The following IL1RAPL1 variants were observed in gnomAD, a reference collection of about 807,000 sequenced individuals.
IL1RAPL1 encodes the protein interleukin 1 receptor accessory protein like 1.
IL1RAPL1 carries 3 observed loss-of-function variants against 48.4 expected under a neutral mutation model. The ratio of observed to expected loss-of-function variants is 0.06; its 90% confidence interval spans 0.03 to 0.16. The LOEUF (loss-of-function observed/expected upper bound fraction) is 0.16, where lower values mean the gene tolerates loss of function less well. Ranked by LOEUF, IL1RAPL1 falls within the 10% of genes least tolerant of loss-of-function variation. The pLI, the probability that IL1RAPL1 is intolerant of heterozygous loss-of-function variation, is 1.00. For missense variants in IL1RAPL1, 349 were observed against 530.6 expected, an observed-to-expected ratio of 0.66 and a Z score of 3.36; for synonymous variants, 185 against 187.7, an observed-to-expected ratio of 0.99 and a Z score of 0.12.
intron 9 of IL1RAPL1, among the ~76,000 whole-genome samples, chrX:29,949,133 G>C (rs1200705080): frequency 8.9e-6 from 1 of 111,862 alleles, no homozygotes. Flanking sequence ...ATATGTTAAA[G>C]AGAAAGGTGC....
At chrX:29,624,074 A>G (rs1924546022) in intron 5 of IL1RAPL1, among the ~76,000 whole-genome samples, 1 of 112,056 alleles carries the variant, frequency 8.9e-6, no homozygotes, top group Admixed American at 9.5e-5. Flanking sequence ...TCTCAACTAA[A>G]TTGATGTGTA....
intron 3 of IL1RAPL1, among the ~76,000 whole-genome samples, chrX:29,358,782 G>A (rs1933338356): frequency 9.0e-6 from 1 of 110,796 alleles, no homozygotes; most frequent in Admixed American, 9.7e-5. Flanking sequence ...ACTTTGGGAG[G>A]CCGAGGCAGG....
intron 2 of IL1RAPL1, among the ~76,000 whole-genome samples, chrX:29,234,411 T>A (rs1026832926): frequency 1.8e-5 from 2 of 111,540 alleles, no homozygotes; most frequent in Non-Finnish European, 1.9e-5. Flanking sequence ...AAAGTCATCT[T>A]CCTTATCCTA....
chrX:29,078,269 C>A (rs1927725294), intron 2 of IL1RAPL1, among the ~76,000 whole-genome samples: 1 of 111,177 alleles, frequency 9.0e-6, no homozygotes, highest in Non-Finnish European at 1.9e-5. Flanking sequence ...GCAACAAGAA[C>A]AAAATTCCAT....
intron 6 of IL1RAPL1, among the ~76,000 whole-genome samples, chrX:29,693,738 A>G (rs997468144): frequency 8.9e-6 from 1 of 111,946 alleles, no homozygotes; most frequent in African/African-American, 3.2e-5. Context: ...GCCCACGGAT[A>G]ATTGCAGTCA....
At chrX:29,389,373 A>T (rs2147680997) in intron 3 of IL1RAPL1, among the ~76,000 whole-genome samples, 1 of 108,933 alleles carries the variant, frequency 9.2e-6, no homozygotes, top group Admixed American at 9.9e-5. Flanking sequence ...AAAAAAAAAA[A>T]AGGTTAAAAC....
intron 5 of IL1RAPL1, among the ~76,000 whole-genome samples, chrX:29,566,230 C>T (rs1318840714): frequency 1.8e-5 from 2 of 111,386 alleles, no homozygotes; most frequent in South Asian, 3.7e-4. Flanking sequence ...CGAGCCACCG[C>T]GCCCGGCCCA....
chrX:29,560,612 T>C (rs1387757706), intron 5 of IL1RAPL1, among the ~76,000 whole-genome samples: 1 of 112,119 alleles, frequency 8.9e-6, no homozygotes, highest in Non-Finnish European at 1.9e-5. Flanking sequence ...ATAATCTTTC[T>C]TAAGTTCTTA....
chrX:29,614,787 A>G (rs920361742), intron 5 of IL1RAPL1, among the ~76,000 whole-genome samples: 7 of 111,789 alleles, frequency 6.3e-5, no homozygotes, highest in Non-Finnish European at 5.6e-5. Context: ...AAAATACAGT[A>G]TGTCTGTTGT....
intron 1 of IL1RAPL1, among the ~76,000 whole-genome samples, chrX:28,650,991 G>A (rs1483024896): frequency 1.8e-5 from 2 of 112,043 alleles, no homozygotes; most frequent in Non-Finnish European, 3.8e-5. Flanking sequence ...GACTTCATAA[G>A]CGGATAATTC....
chrX:28,714,054 T>A (rs926596188), intron 1 of IL1RAPL1, among the ~76,000 whole-genome samples: 1 of 111,814 alleles, frequency 8.9e-6, no homozygotes, highest in African/African-American at 3.2e-5. Flanking sequence ...ATGTTATCAT[T>A]TATGTATAAT....
chrX:29,374,894 A>G (rs1010103014), intron 3 of IL1RAPL1, among the ~76,000 whole-genome samples: 2 of 111,021 alleles, frequency 1.8e-5, no homozygotes, highest in Non-Finnish European at 1.9e-5. Flanking sequence ...TTGATATCCC[A>G]AATGTTTTGG....
At chrX:29,862,344 TATTCTC>T (rs1362530274) in intron 6 of IL1RAPL1, among the ~76,000 whole-genome samples, 1 of 111,597 alleles carries the variant, frequency 9.0e-6, no homozygotes, top group African/African-American at 3.3e-5. Context: ...ACCTCTCACT[TATTCTC>T]ATTCTGAAAG....
At chrX:28,811,113 C>T (rs1936789195) in intron 2 of IL1RAPL1, among the ~76,000 whole-genome samples, 1 of 110,656 alleles carries the variant, frequency 9.0e-6, no homozygotes, top group African/African-American at 3.3e-5. Context: ...GTGTATCATG[C>T]TGACACATTG....
At chrX:29,736,263 G>A (rs996036012) in intron 6 of IL1RAPL1, among the ~76,000 whole-genome samples, 1 of 112,116 alleles carries the variant, frequency 8.9e-6, no homozygotes, top group Non-Finnish European at 1.9e-5. Flanking sequence ...GTTGTCACAT[G>A]TCTGTAATGC....
intron 2 of IL1RAPL1, among the ~76,000 whole-genome samples, chrX:29,142,392 A>C (rs1360357469): frequency 9.0e-6 from 1 of 111,730 alleles, no homozygotes; most frequent in Non-Finnish European, 1.9e-5. Context: ...TAGGTCAGGA[A>C]AGAGAAAGAC....
intron 5 of IL1RAPL1, among the ~76,000 whole-genome samples, chrX:29,526,918 G>T (rs927746974): frequency 4.5e-5 from 5 of 111,227 alleles, no homozygotes; most frequent in Admixed American, 3.8e-4. Flanking sequence ...TGAAACTAAG[G>T]TTAAAATGAA....
rs1555924328 is a variant in IL1RAPL1, at chrX:28,792,816, A to AATATATATATATAT, written c.82+3413_82+3426dup. On this transcript the variant is annotated intron_variant, in intron 2 of 10. Coordinates refer to ENST00000378993, the MANE Select transcript of IL1RAPL1 (RefSeq NM_014271.4). ...AAAAAAAAAAAAAAAAAAAAAAAAA[A>AATATATATATATAT]ATATATATATATATATATATATATA... 2.2e-3 allele frequency among the ~76,000 whole-genome samples: 22 copies of AATATATATATATAT among 10,101 alleles called. 1 individual carries two copies. Among genetic ancestry groups the AATATATATATATAT allele is most frequent in the South Asian group, 0.012 (1 of 83 alleles). 8.8% of individuals were successfully genotyped at this position (10,101 alleles called of 115,157 possible). A position where few individuals can be genotyped will look rare whatever the true frequency, so the allele number is the denominator to read the frequency against.
At chrX:29,450,185 T>C (rs1485379153) in intron 5 of IL1RAPL1, among the ~76,000 whole-genome samples, 2 of 111,953 alleles carry the variant, frequency 1.8e-5, no homozygotes, top group Non-Finnish European at 3.8e-5. Flanking sequence ...AGTAGGGACA[T>C]TTAGCTAATG....
Sources: gnomAD v4.1 joint callset for allele counts (sites outside exome capture counted in the v4.1 genomes callset) on GRCh38, gnomAD v4.1.1 for gene constraint, MANE v1.5 for transcripts, NCBI Gene and HGNC (gene_info 2026-07-23, HGNC 2026-07-21) for gene names.